NTNG1: variants seen among roughly 807,000 people sequenced by gnomAD.
The protein encoded by NTNG1 is netrin G1.
NTNG1 carries 16 observed loss-of-function variants against 54.0 expected under a neutral mutation model. That is an observed-to-expected ratio of 0.30 (90% CI 0.20 to 0.45). NTNG1 has a LOEUF of 0.45. Among genes scored for constraint, NTNG1 ranks in the 20% least tolerant of loss-of-function variants. NTNG1 has a pLI of 1.00. For synonymous variants in NTNG1, 255 were observed against 263.1 expected (o/e 0.97, Z 0.30); for missense variants, 530 against 678.7 (o/e 0.78, Z 2.43).
At chr1:107,321,577 C>T (rs1458533246) in intron 2 of NTNG1, among the ~76,000 whole-genome samples, 1 of 152,024 alleles carries the variant, frequency 6.6e-6, no homozygotes, top group African/African-American at 2.4e-5. Flanking sequence ...GGATGCCCTC[C>T]AGGATACGAC....
intron 3 of NTNG1, among the ~76,000 whole-genome samples, chr1:107,352,454 A>G (rs12029417): frequency 0.11 from 16,491 of 149,556 alleles, 1,065 homozygotes; most frequent in East Asian, 0.16. Flanking sequence ...GACCCACTAG[A>G]CAATGCTCAA....
At chr1:107,475,495 A>G (rs1377517799) in intron 7 of NTNG1, among the ~76,000 whole-genome samples, 3 of 152,182 alleles carry the variant, frequency 2.0e-5, no homozygotes, top group Non-Finnish European at 4.4e-5. Flanking sequence ...TGTGAACAGT[A>G]CTAAAGGGTC....
intron 2 of NTNG1, among the ~76,000 whole-genome samples, chr1:107,170,171 A>T (rs1004306013): frequency 2.0e-5 from 3 of 152,192 alleles, no homozygotes; most frequent in African/African-American, 7.2e-5. Flanking sequence ...CATCAAAAAG[A>T]CCATCACCTC....
chr1:107,445,009 T>A (rs1676218581), intron 7 of NTNG1, among the ~76,000 whole-genome samples: 1 of 152,134 alleles, frequency 6.6e-6, no homozygotes, highest in Non-Finnish European at 1.5e-5. Context: ...AATGTCTAAA[T>A]GTGAAAATCA....
chr1:107,254,852 G>A (rs912264987), intron 2 of NTNG1, among the ~76,000 whole-genome samples: 1 of 152,068 alleles, frequency 6.6e-6, no homozygotes, highest in Non-Finnish European at 1.5e-5. Flanking sequence ...TGCTTATGGC[G>A]GTATTAGACA....
intron 7 of NTNG1, among the ~76,000 whole-genome samples, chr1:107,468,839 T>C (rs1415523225): frequency 5.0e-5 from 6 of 120,550 alleles, no homozygotes. Flanking sequence ...GGCTCACGCC[T>C]GTAATCCCAG....
chr1:107,334,733 C>A (rs906790333), intron 3 of NTNG1, among the ~76,000 whole-genome samples: 1 of 151,990 alleles, frequency 6.6e-6, no homozygotes, highest in African/African-American at 2.4e-5. Context: ...TCAGAGGGAA[C>A]TTTCAGTTTA....
rs557563113 is a variant in NTNG1, at chr1:107,185,259, G to A, written c.246+36420G>A. On this transcript the variant is annotated intron_variant, in intron 2 of 7. Coordinates refer to ENST00000370068, the MANE Select transcript of NTNG1 (RefSeq NM_001113226.3). The stretch of plus-strand genomic sequence containing the variant: ...GCATATATCTTCTCACAGTTTCAGA[G>A]GCCAGACGTCTGAAATCAAAGTGTT... 2.3e-3 allele frequency among the ~76,000 whole-genome samples: 346 copies of A among 152,254 alleles called. 1 individual carries two copies. The highest frequency in any genetic ancestry group is 3.3e-3 in the Non-Finnish European group (225 of 68,020).
chr1:107,307,401 C>A (rs532304729), intron 2 of NTNG1, among the ~76,000 whole-genome samples: 4 of 152,108 alleles, frequency 2.6e-5, no homozygotes, highest in African/African-American at 4.8e-5. Context: ...GATGATGATG[C>A]TAGTAATTTC....
intron 4 of NTNG1, among the ~76,000 whole-genome samples, chr1:107,405,122 C>G (rs951845561): frequency 6.6e-6 from 1 of 152,108 alleles, no homozygotes; most frequent in Non-Finnish European, 1.5e-5. Flanking sequence ...TTACCTGTAG[C>G]CTTTCTAGTG....
rs143099289 is a variant in NTNG1, at chr1:107,342,907, C to T, written c.887+17985C>T. The stretch of plus-strand genomic sequence containing the variant: ...TATCTTTGCTAACATGGATAAGACA[C>T]ACTCCCTATCCCTGTGCCTCCTAAA... On this transcript the variant is annotated intron_variant, in intron 3 of 7. Coordinates refer to ENST00000370068, the MANE Select transcript of NTNG1 (RefSeq NM_001113226.3). Among the ~76,000 whole-genome samples the T allele has an allele frequency of 5.3e-4, 81 of 152,214 alleles. 1 individual carries two copies. The highest frequency in any genetic ancestry group is 5.0e-3 in the Admixed American group (76 of 15,276).
chr1:107,210,694 A>G (rs1459248035), intron 2 of NTNG1, among the ~76,000 whole-genome samples: 2 of 151,452 alleles, frequency 1.3e-5, no homozygotes, highest in African/African-American at 2.4e-5. Flanking sequence ...GATTAAAAAA[A>G]TTGATTATGT....
At chr1:107,242,951 G>T (rs1661944196) in intron 2 of NTNG1, among the ~76,000 whole-genome samples, 1 of 152,198 alleles carries the variant, frequency 6.6e-6, no homozygotes, top group South Asian at 2.1e-4. Flanking sequence ...GTTAGCACAT[G>T]TCAATATGTC....
At chr1:107,433,864 T>A (rs577587) in intron 6 of NTNG1, among the ~76,000 whole-genome samples, 144,261 of 152,238 alleles carry the variant, frequency 0.95, 68,731 homozygotes, top group East Asian at 1. Context: ...CTCTGGCTCC[T>A]TTGCTAAGGT....
At chr1:107,270,349 A>C (rs956268316) in intron 2 of NTNG1, among the ~76,000 whole-genome samples, 1 of 152,184 alleles carries the variant, frequency 6.6e-6, no homozygotes, top group African/African-American at 2.4e-5. Flanking sequence ...TATTCTCATG[A>C]TGTCAAAGTT....
chr1:107,180,016 C>A (rs1656951892), intron 2 of NTNG1, among the ~76,000 whole-genome samples: 1 of 152,144 alleles, frequency 6.6e-6, no homozygotes, highest in Admixed American at 6.6e-5. Context: ...CCAATTAACT[C>A]AAGGCCCTAT....
intron 2 of NTNG1, among the ~76,000 whole-genome samples, chr1:107,322,237 T>A (rs530398246): frequency 1.3e-5 from 2 of 152,210 alleles, no homozygotes; most frequent in East Asian, 3.9e-4. Context: ...ACAAATGTTA[T>A]CTTTCAACAC....
At chr1:107,170,035 G>T (rs1656100943) in intron 2 of NTNG1, among the ~76,000 whole-genome samples, 1 of 152,078 alleles carries the variant, frequency 6.6e-6, no homozygotes, top group South Asian at 2.1e-4. Context: ...GATTATCTAG[G>T]ATAATCTCCC....
intron 1 of NTNG1, among the ~76,000 whole-genome samples, chr1:107,142,239 A>G (rs554073479): frequency 1.3e-4 from 20 of 152,320 alleles, no homozygotes; most frequent in African/African-American, 4.8e-4. Flanking sequence ...TGATTCATAC[A>G]AGGAAAAACT....
Sources: allele counts gnomAD v4.1 joint callset (sites outside exome capture counted in the v4.1 genomes callset), GRCh38; gene constraint gnomAD v4.1.1; transcripts MANE v1.5; gene names NCBI Gene and HGNC (gene_info 2026-07-23, HGNC 2026-07-21).